Variants in DNAH10 observed in about 807,000 individuals in gnomAD.
DNAH10 encodes the protein dynein axonemal heavy chain 10.
Under a neutral mutation model 506.6 loss-of-function variants are expected in DNAH10, and 348 were observed. The ratio of observed to expected loss-of-function variants is 0.69; its 90% CI spans 0.63 to 0.75. DNAH10 has a LOEUF of 0.75. DNAH10 is among the 30% of genes least tolerant of loss of function. DNAH10 has a pLI of 0.00. For missense variants in DNAH10, 5,179 were observed against 5,787.1 expected (o/e 0.89, Z 3.41); for synonymous variants, 2,059 against 2,198.6 (o/e 0.94, Z 1.78).
At position 123,770,255 on chromosome 12, in the gene DNAH10, ATT is replaced by A. The variant is rs139218825; in HGVS notation, c.299-1338_299-1337del. 2.6e-3 allele frequency among the ~76,000 whole-genome samples: 271 copies of A among 103,582 alleles called. 1 individual carries two copies. The highest frequency in any genetic ancestry group is 0.019 in the East Asian group (48 of 2,476). 68.0% of individuals were successfully genotyped at this position (103,582 alleles called of 152,430 possible). Reference sequence around the variant, plus strand: ...ACAGTGAGATTTGTCTCAAAAAAAAATTTTTTTTTAAAATTTTTTTTGTAGAG... The same window carrying A: ...ACAGTGAGATTTGTCTCAAAAAAAAATTTTTTTAAAATTTTTTTTGTAGAG... On this transcript the variant is annotated intron_variant, in intron 2 of 78. Transcript: ENST00000673944.
intron 35 of DNAH10, among the ~76,000 whole-genome samples, chr12:123,851,571 C>G (rs757128047): frequency 5.3e-5 from 8 of 152,240 alleles, no homozygotes; most frequent in Non-Finnish European, 1.0e-4. Flanking sequence ...CCCATGAGAA[C>G]ATCTCACATA....
rs1407470435 is a variant in DNAH10 at position 123,934,745 on chromosome 12, A to G, written c.13602A>G (p.Glu4534=). The G allele has an allele frequency of 4.3e-6, 7 of 1,613,730 alleles. No individual in the cohort carries two copies. The highest frequency in any genetic ancestry group is 5.9e-6 in the Non-Finnish European group (7 of 1,179,888). The change falls in exon 78 of 79, where the codon GAA becomes GAG. Residue 4534 remains glutamate, a synonymous_variant. Transcript: ENST00000673944. Reference sequence around the variant, plus strand: ...CGATCCTGAAGATCATCCCCATTGAAGCCCATCGCCTCAAGCTGCAGGTGA... The same window carrying G: ...CGATCCTGAAGATCATCCCCATTGAGGCCCATCGCCTCAAGCTGCAGGTGA... The part of the protein sequence containing the change: ...DLPILKIIPI[E]AHRLKLQNTF...
chr12:123,860,832 T>G (rs186644636), intron 38 of DNAH10, among the ~76,000 whole-genome samples, 180 bp from the exon 39 acceptor site: 102 of 152,362 alleles, frequency 6.7e-4, no homozygotes, highest in Admixed American at 2.8e-3. Context: ...GAAATGTGGT[T>G]GCTTTATATT....
In DNAH10 at chr12:123,929,278, G is replaced by A; in HGVS notation, c.12310G>A (p.Val4104Ile). The change falls in exon 71 of 79, where the codon GTC becomes ATC. Residue 4104 changes from valine to isoleucine, a missense_variant. Physicochemically the swap from Val to Ile is conservative, Grantham distance 29. Around this residue, in one of 3 missense-constraint regions of DNAH10, gnomAD observed 4,844 missense variants for 5,430.5 expected, o/e 0.89. Coordinates refer to ENST00000673944, the MANE Select transcript of DNAH10 (RefSeq NM_001372106.1). ...IGILQKSLKVVTEPPNGLKLN... is the reference protein window; with the variant it reads ...IGILQKSLKVITEPPNGLKLN... ...TGTGTTTTCTTCTCTTCTGAAGGTT[G>A]TCACCGAGCCACCCAATGGGCTGAA... 1 of 1,587,766 alleles carries A rather than the reference G, an allele frequency of 6.3e-7. No individual in the cohort carries two copies. The highest frequency in any genetic ancestry group is 8.6e-7 in the Non-Finnish European group (1 of 1,167,104).
rs1242025966 is a variant in DNAH10, at chr12:123,808,781, C to T, written c.2988-16C>T. ...AGTGAGATACACTCTGAGTCTTTCT[C>T]ATCAACCCCTCTTAGGAACTTGCAG... On this transcript the variant is annotated splice_polypyrimidine_tract_variant and intron_variant, in intron 18 of 78. Transcript: ENST00000673944. The T allele has an allele frequency of 2.5e-6, 4 of 1,613,592 alleles. No individual in the cohort carries two copies. In the African/African-American group the frequency reaches 5.3e-5, roughly 22 times the overall value.
chr12:123,875,579 G>A, intron 47 of DNAH10, 88 bp downstream of exon 47: 1 of 1,515,484 alleles, frequency 6.6e-7, no homozygotes, highest in Non-Finnish European at 9.0e-7. Context: ...TGTAGGCACA[G>A]CAGGGTTAGG....
In DNAH10 at chr12:123,850,018, C is replaced by G. The variant is rs568449324; in HGVS notation, c.6103-870C>G. On this transcript the variant is annotated intron_variant, in intron 34 of 78. Coordinates refer to ENST00000673944, the MANE Select transcript of DNAH10 (RefSeq NM_001372106.1). This position sits in a 1 kb window ranked among gnomAD's most constrained non-coding sequence, Gnocchi z 5.5. ...AGCCAGGAGGCAGCAGCTATCTGCT[C>G]TTCCCCCTGGGCCATCTGGGCCATC... Among the ~76,000 whole-genome samples, 85 of 152,288 alleles carry G rather than the reference C, an allele frequency of 5.6e-4. No homozygotes were observed. Among genetic ancestry groups the G allele is most frequent in the African/African-American group, 2.0e-3 (84 of 41,566 alleles).
intron 9 of DNAH10, 100 bp downstream of exon 9, chr12:123,786,036 TCTTA>T: frequency 1.6e-6 from 2 of 1,287,578 alleles, no homozygotes; most frequent in East Asian, 5.1e-5. Flanking sequence ...CATATAATTC[TCTTA>T]CTTAAAATGT....
Position 123,918,813 on chromosome 12 carries a change from C to T in DNAH10, c.11370C>T (p.Tyr3790=), listed in dbSNP as rs951772012. Residue 3790 remains tyrosine (Y), a synonymous_variant, in exon 65 of 79, where the codon TAC becomes TAT. Coordinates refer to ENST00000673944, the MANE Select transcript of DNAH10 (RefSeq NM_001372106.1). ...AGATGGCCCTGGTGAACTCCATGTACCAGTACTCCCTGATTGCCTTCTTAG... is the reference window on the plus strand; with the variant it reads ...AGATGGCCCTGGTGAACTCCATGTATCAGTACTCCCTGATTGCCTTCTTAG... ...LSEMALVNSM[Y]QYSLIAFLEV... 6 of 1,613,932 alleles carry T rather than the reference C, an allele frequency of 3.7e-6. No individual in the cohort carries two copies. Among genetic ancestry groups the T allele is most frequent in the Non-Finnish European group, 5.1e-6 (6 of 1,179,880 alleles).
chr12:123,857,091 C>G lies in DNAH10; in HGVS notation c.6474C>G (p.Asn2158Lys). 1 of 1,613,028 alleles carries G rather than the reference C, an allele frequency of 6.2e-7. No individual in the cohort carries two copies. The highest frequency in any genetic ancestry group is 2.2e-5 in the East Asian group (1 of 44,822). ...VVLMRALRDM[N>K]LPKFVFEDVP... is the part of the protein sequence containing the mutation. ...TGATGAGGGCCTTGCGAGACATGAA[C>G]TTGCCCAAATTTGTGTTTGAAGATG... The change falls in exon 37 of 79, where the codon AAC becomes AAG. Residue 2158 changes from asparagine (N) to lysine (K), a missense_variant. Coordinates refer to ENST00000673944, the MANE Select transcript of DNAH10 (RefSeq NM_001372106.1).
chr12:123,926,471 G>T lies in DNAH10; in HGVS notation c.11922-166G>T. On this transcript the variant is annotated intron_variant, in intron 68 of 78. Transcript: ENST00000673944. This position sits in a 1 kb window ranked among gnomAD's most constrained non-coding sequence, Gnocchi z 4.1. ...GGAGTTCCCCATCAGGGTGGGAGAC[G>T]TGCATAGAAACTAGAATCTAAAACA... 6 of 679,272 alleles carry T rather than the reference G, an allele frequency of 8.8e-6. No homozygotes were observed. The highest frequency in any genetic ancestry group is 1.2e-5 in the Non-Finnish European group (5 of 423,600). The allele number at this position is 679,272 out of a possible 1,614,324, so 42.1% of individuals were successfully genotyped here.
At chr12:123,786,120 G>A (rs1386075194) in intron 9 of DNAH10, among the ~76,000 whole-genome samples, 184 bp downstream of exon 9, 1 of 152,058 alleles carries the variant, frequency 6.6e-6, no homozygotes, top group Non-Finnish European at 1.5e-5. Context: ...GGGAGGCCGA[G>A]GTGGCGGATT....
intron 42 of DNAH10, 61 bp downstream of exon 42, chr12:123,867,662 A>G (rs371340089): frequency 1.3e-6 from 2 of 1,596,438 alleles, no homozygotes; most frequent in African/African-American, 1.3e-5. Context: ...AGCTCACGGT[A>G]GGGTTTTAAA....
Position 123,784,051 on chromosome 12 carries a change from T to A in DNAH10, c.1104T>A (p.Asp368Glu). ...TKLPIVRKVLDVIKESDSMLV... is the reference protein window; with the variant it reads ...TKLPIVRKVLEVIKESDSMLV... ...TTCCAATAGTCAGAAAAGTCTTGGA[T>A]GTGATCAAGGAATCCGACTCCATGC... The change falls in exon 8 of 79, where the codon GAT becomes GAA. Residue 368 changes from aspartate to glutamate, a missense_variant. Physicochemically the swap from Asp to Glu is conservative, Grantham distance 45. This residue lies in a region of DNAH10 where 4,844 missense variants were observed against 5,430.5 expected (regional missense o/e 0.89). Coordinates refer to ENST00000673944, the MANE Select transcript of DNAH10 (RefSeq NM_001372106.1). 6.2e-7 allele frequency: 1 copy of A among 1,614,176 alleles called. No homozygotes were observed. Among genetic ancestry groups the A allele is most frequent in the African/African-American group, 1.3e-5 (1 of 75,044 alleles).
chr12:123,889,551 TACAGC>T (rs1262430354), intron 52 of DNAH10, among the ~76,000 whole-genome samples: 1 of 152,150 alleles, frequency 6.6e-6, no homozygotes, highest in Non-Finnish European at 1.5e-5. Flanking sequence ...CACAAAGAGA[TACAGC>T]AATTGCAGAT....
intron 18 of DNAH10, among the ~76,000 whole-genome samples, chr12:123,805,727 C>T (rs551153208): frequency 1.6e-4 from 24 of 151,252 alleles, no homozygotes; most frequent in Admixed American, 1.3e-4. Flanking sequence ...GAAGAAATGA[C>T]TCTAGTTCCT....
intron 50 of DNAH10, among the ~76,000 whole-genome samples, chr12:123,880,874 CCCA>C (rs1235896452): frequency 7.0e-6 from 1 of 141,860 alleles, no homozygotes; most frequent in Non-Finnish European, 1.5e-5. Flanking sequence ...TTGTTCAATT[CCCA>C]CCTATGAGTG....
intron 32 of DNAH10, among the ~76,000 whole-genome samples, chr12:123,847,111 TATCC>T (rs1950976062): frequency 6.6e-6 from 1 of 150,998 alleles, no homozygotes; most frequent in Non-Finnish European, 1.5e-5. Context: ...CTATCTATCT[TATCC>T]ATCCATCCGT....
At chr12:123,908,869 GTGATGA>G (rs1049336015) in intron 57 of DNAH10, among the ~76,000 whole-genome samples, 1 of 152,040 alleles carries the variant, frequency 6.6e-6, no homozygotes, top group African/African-American at 2.4e-5. Context: ...GATGGTGATG[GTGATGA>G]TGATGATGAT....
Sources: allele counts gnomAD v4.1 joint callset (sites outside exome capture counted in the v4.1 genomes callset), GRCh38; gene constraint gnomAD v4.1.1; regional missense constraint gnomAD v4.1.1; non-coding constraint Gnocchi (gnomAD v3.1); transcripts MANE v1.5; gene names NCBI Gene and HGNC (gene_info 2026-07-23, HGNC 2026-07-21).